The following LUC7L2 variants were observed in gnomAD, a reference collection of about 807,000 sequenced individuals.
LUC7L2 encodes the protein LUC7 like 2, pre-mRNA splicing factor.
LUC7L2 carries 25 observed loss-of-function variants against 52.8 expected under a neutral mutation model. The ratio of observed to expected loss-of-function variants is 0.47; its 90% CI spans 0.34 to 0.66. The LOEUF (loss-of-function observed/expected upper bound fraction) is 0.66, where lower values mean the gene tolerates loss of function less well. LUC7L2 is among the 30% of genes least tolerant of loss of function. The pLI, the probability that LUC7L2 is intolerant of heterozygous loss-of-function variation, is 0.01. For missense variants in LUC7L2, 328 were observed against 497.8 expected, an observed-to-expected ratio of 0.66 and a Z score of 3.25; for synonymous variants, 144 against 160.9, an observed-to-expected ratio of 0.89 and a Z score of 0.80.
At chr7:139,405,240 C>G (rs536588749) in intron 4 of LUC7L2, among the ~76,000 whole-genome samples, 1 of 152,172 alleles carries the variant, frequency 6.6e-6, no homozygotes, top group East Asian at 1.9e-4. Context: ...GATCCCATCC[C>G]AGAAAGAAGA....
intron 2 of LUC7L2, among the ~76,000 whole-genome samples, chr7:139,398,353 T>C (rs1386869716): frequency 6.6e-6 from 1 of 152,222 alleles, no homozygotes; most frequent in Non-Finnish European, 1.5e-5. Context: ...TGAAAAGCTT[T>C]TCCATATCCA....
At position 139,412,539 on chromosome 7, in the gene LUC7L2, T is replaced by C. The variant is rs760503695; in HGVS notation, c.780-12T>C. ...AGCCACTTTTCTAAAAATACATATT[T>C]TTTTTTTTTAGGTCCCGATCACACA... On this transcript the variant is annotated splice_polypyrimidine_tract_variant and intron_variant, in intron 7 of 9. Coordinates refer to ENST00000354926, the MANE Select transcript of LUC7L2 (RefSeq NM_016019.5). 8 of 1,587,564 alleles carry C rather than the reference T, an allele frequency of 5.0e-6. No homozygotes were observed. The highest frequency in any genetic ancestry group is 2.3e-5 in the South Asian group (2 of 86,634).
chr7:139,402,005 C>A, intron 3 of LUC7L2, 132 bp from the exon 4 acceptor site: 1 of 923,564 alleles, frequency 1.1e-6, no homozygotes, highest in Non-Finnish European at 1.5e-6. Context: ...TCCTAAAGTG[C>A]TCAATTACTG....
intron 2 of LUC7L2, 101 bp downstream of exon 2, chr7:139,376,257 G>A: frequency 1.7e-6 from 2 of 1,185,232 alleles, no homozygotes; most frequent in Non-Finnish European, 2.4e-6. Flanking sequence ...ACTTGTGAGG[G>A]GAGATTTGCA....
intron 2 of LUC7L2, among the ~76,000 whole-genome samples, chr7:139,386,627 C>G (rs572960129): frequency 6.6e-6 from 1 of 150,742 alleles, no homozygotes; most frequent in African/African-American, 2.4e-5. Flanking sequence ...AGGATGGTCT[C>G]GATCTCCTGA....
At chr7:139,374,392 T>C in intron 1 of LUC7L2, 1 of 1,549,758 alleles carries the variant, frequency 6.5e-7, no homozygotes, top group Non-Finnish European at 8.7e-7. Flanking sequence ...CCTTGTTTTA[T>C]TTGTAAAGGT....
chr7:139,345,286 T>C (rs1245308868), intron 1 of LUC7L2, among the ~76,000 whole-genome samples: 1 of 152,212 alleles, frequency 6.6e-6, no homozygotes, highest in Non-Finnish European at 1.5e-5. Flanking sequence ...GGACATTCAA[T>C]GCAACTCCTT....
intron 1 of LUC7L2, chr7:139,374,710 A>G: frequency 7.6e-7 from 1 of 1,315,642 alleles, no homozygotes. Flanking sequence ...AATTTTATAT[A>G]CCCTGGTTGC....
chr7:139,358,594 TAAAC>T (rs1336045322), upstream of LUC7L2, among the ~76,000 whole-genome samples: 3 of 152,266 alleles, frequency 2.0e-5, no homozygotes, highest in African/African-American at 4.8e-5. Context: ...CCTGTCTTCT[TAAAC>T]ATTTGGTTTT....
chr7:139,387,392 A>G (rs759391919), intron 2 of LUC7L2, among the ~76,000 whole-genome samples: 4 of 151,614 alleles, frequency 2.6e-5, no homozygotes, highest in Non-Finnish European at 2.9e-5. Context: ...ACACGATTTT[A>G]CCATGTTGGC....
rs1444189445 is a variant in LUC7L2 at position 139,362,652 on chromosome 7, C to T, written c.61+2330C>T. On this transcript the variant is annotated intron_variant, in intron 1 of 9. Transcript: ENST00000354926. ...TTTTTTTTTTTTTTAATTCCAGAGA[C>T]TATAAAGCAGCGACTCTCTTTTTTG... is the stretch of plus-strand genomic sequence containing the variant. Among the ~76,000 whole-genome samples, 10 of 139,886 alleles carry T rather than the reference C, an allele frequency of 7.1e-5. No homozygotes were observed. In the South Asian group the frequency reaches 1.8e-3, roughly 25 times the overall value. 91.8% of individuals were successfully genotyped at this position (139,886 alleles called of 152,430 possible).
chr7:139,341,719 G>A (rs6965212), intron 1 of LUC7L2, among the ~76,000 whole-genome samples: 7 of 151,724 alleles, frequency 4.6e-5, no homozygotes, highest in Non-Finnish European at 1.0e-4. Flanking sequence ...GGACCAGCGG[G>A]GGGGGGCGCA....
intron 8 of LUC7L2, among the ~76,000 whole-genome samples, chr7:139,414,715 A>T (rs11973507): frequency 0.38 from 58,322 of 151,982 alleles, 15,599 homozygotes; most frequent in African/African-American, 0.76. Context: ...CACCTCAGGG[A>T]CTTTGCATCT....
At chr7:139,343,329 G>A (rs2131139067) in intron 1 of LUC7L2, among the ~76,000 whole-genome samples, 1 of 152,324 alleles carries the variant, frequency 6.6e-6, no homozygotes, top group Non-Finnish European at 1.5e-5. Flanking sequence ...AGCAGCTAAT[G>A]AATGTTGCTT....
chr7:139,402,512 C>T (rs1258609594), intron 4 of LUC7L2, among the ~76,000 whole-genome samples: 1 of 135,826 alleles, frequency 7.4e-6, no homozygotes, highest in African/African-American at 3.5e-5. Flanking sequence ...GTATGTATAG[C>T]TCTGTGCAGT....
chr7:139,343,441 A>G (rs1022154507), intron 1 of LUC7L2, among the ~76,000 whole-genome samples: 1 of 152,278 alleles, frequency 6.6e-6, no homozygotes, highest in South Asian at 2.1e-4. Context: ...TCCAGGCGTG[A>G]TGGCCCATCC....
Position 139,360,198 on chromosome 7 carries a change from C to T in LUC7L2, c.-64C>T, listed in dbSNP as rs1331710898. On this transcript the variant is annotated 5_prime_UTR_variant, in exon 1 of 10. Coordinates refer to ENST00000354926, the MANE Select transcript of LUC7L2 (RefSeq NM_016019.5). ...ACCTTCCCCCATCCCTTCCCCTTAT[C>T]CCCCAGCCCAAAAGGGCCCGGTCTG... 1.2e-5 allele frequency: 15 copies of T among 1,256,984 alleles called. No individual in the cohort carries two copies. The highest frequency in any genetic ancestry group is 1.5e-5 in the African/African-American group (1 of 66,462). 77.9% of individuals were successfully genotyped at this position (1,256,984 alleles called of 1,614,324 possible).
intron 1 of LUC7L2, among the ~76,000 whole-genome samples, chr7:139,363,522 C>G (rs1424011594): frequency 6.6e-6 from 1 of 152,074 alleles, no homozygotes; most frequent in Non-Finnish European, 1.5e-5. Context: ...AAATAATTTC[C>G]TATGTTATAC....
intron 1 of LUC7L2, among the ~76,000 whole-genome samples, chr7:139,361,543 A>G (rs2131178213): frequency 6.6e-6 from 1 of 152,338 alleles, no homozygotes; most frequent in South Asian, 2.1e-4. Context: ...AAAAACCCAT[A>G]TTGGGAACTT....
Sources: allele counts gnomAD v4.1 joint callset (sites outside exome capture counted in the v4.1 genomes callset), GRCh38; gene constraint gnomAD v4.1.1; transcripts MANE v1.5; gene names NCBI Gene and HGNC (gene_info 2026-07-23, HGNC 2026-07-21).